The following UMAD1 variants were observed in gnomAD, a reference collection of about 807,000 sequenced individuals.
UMAD1 encodes UBAP1-MVB12-associated (UMA)-domain containing protein 1.
A neutral mutation model predicts 6.1 loss-of-function variants in UMAD1; 8 were observed. The observed-to-expected ratio is 1.30, with a 90% CI of 0.76 to 2.35. The LOEUF (loss-of-function observed/expected upper bound fraction) is 2.35. Among genes scored for constraint, UMAD1 ranks in the 30% most tolerant of loss-of-function variants. The pLI is 0.00. For synonymous variants in UMAD1, 56 were observed against 31.4 expected (o/e 1.78, Z -2.61); for missense variants, 130 against 78.4 (o/e 1.66, Z -2.49).
intron 2 of UMAD1, chr7:7,687,159 ATAATAGTATTTG>A (rs1173161878): frequency 2.0e-5 from 3 of 152,214 alleles, no homozygotes; most frequent in African/African-American, 7.2e-5. Context: ...TGAACTGGAA[ATAATAGTATTTG>A]GATTCTATTT....
intron 2 of UMAD1, among the ~76,000 whole-genome samples, chr7:7,782,454 A>G (rs938719008): frequency 1.3e-5 from 2 of 152,120 alleles, no homozygotes; most frequent in Non-Finnish European, 2.9e-5. Context: ...AGATAAGAAA[A>G]TGTGTCTAAG....
In UMAD1 at chr7:7,734,128, G is replaced by C. The variant is rs62432615; in HGVS notation, c.82+60675G>C. 7.8e-3 allele frequency among the ~76,000 whole-genome samples: 1,179 copies of C among 152,096 alleles called. 21 individuals carry two copies. The highest frequency in any genetic ancestry group is 0.027 in the African/African-American group (1,123 of 41,500). On this transcript the variant is annotated intron_variant, in intron 2 of 3. Transcript: ENST00000682710. The stretch of plus-strand genomic sequence containing the variant: ...TGTCATTATTATCAAAGTTCTTTCA[G>C]AGTTACTGCAGGGCTATAGGCTTAA...
chr7:7,646,298 T>C (rs1435048311), intron 1 of UMAD1, among the ~76,000 whole-genome samples: 1 of 85,900 alleles, frequency 1.2e-5, no homozygotes, highest in African/African-American at 4.0e-5. Context: ...GGTGATACGG[T>C]TTGGCTGTGC....
At chr7:7,800,000 C>T (rs1243513089) in intron 2 of UMAD1, among the ~76,000 whole-genome samples, 4 of 152,244 alleles carry the variant, frequency 2.6e-5, no homozygotes, top group African/African-American at 9.6e-5. Context: ...TCTCCTGCCT[C>T]AGCCTCCTGA....
intron 2 of UMAD1, among the ~76,000 whole-genome samples, chr7:7,693,723 ATAT>A (rs1429034565): frequency 6.6e-6 from 1 of 152,128 alleles, no homozygotes; most frequent in Non-Finnish European, 1.5e-5. Flanking sequence ...TAATTTAGCA[ATAT>A]TATATGAACG....
chr7:7,775,956 CA>C (rs1782197370), intron 2 of UMAD1, among the ~76,000 whole-genome samples: 1 of 152,136 alleles, frequency 6.6e-6, no homozygotes, highest in Non-Finnish European at 1.5e-5. Context: ...GGAAACTTTT[CA>C]GGGGTGATGG....
At chr7:7,858,850 C>T (rs955717003) in intron 3 of UMAD1, among the ~76,000 whole-genome samples, 1 of 152,192 alleles carries the variant, frequency 6.6e-6, no homozygotes, top group Non-Finnish European at 1.5e-5. Flanking sequence ...TTCTTTCATA[C>T]ATGTACATCT....
chr7:7,869,691 A>C (rs1376505111), intron 3 of UMAD1, among the ~76,000 whole-genome samples: 1 of 152,202 alleles, frequency 6.6e-6, no homozygotes, highest in Admixed American at 6.5e-5. Flanking sequence ...ATTTAGTTGG[A>C]TATAGCTAAG....
intron 3 of UMAD1, among the ~76,000 whole-genome samples, chr7:7,834,016 C>CTTTTTTTTTT (rs4034895): frequency 5.5e-4 from 61 of 110,422 alleles, no homozygotes; most frequent in Non-Finnish European, 8.1e-4. Flanking sequence ...TTTTTCTTTT[C>CTTTTTTTTTT]TTTTTTTTTT....
chr7:7,714,649 A>G (rs1333315671), intron 2 of UMAD1, among the ~76,000 whole-genome samples: 1 of 152,238 alleles, frequency 6.6e-6, no homozygotes, highest in East Asian at 1.9e-4. Context: ...ACAATGTATT[A>G]TATGTTGGAC....
intron 3 of UMAD1, among the ~76,000 whole-genome samples, chr7:7,859,265 A>G (rs1183041373): frequency 6.6e-6 from 1 of 152,184 alleles, no homozygotes; most frequent in Non-Finnish European, 1.5e-5. Flanking sequence ...AATAATTATA[A>G]AGATTATTTT....
chr7:7,672,100 A>G (rs1779620271), intron 1 of UMAD1, among the ~76,000 whole-genome samples: 1 of 152,200 alleles, frequency 6.6e-6, no homozygotes, highest in Admixed American at 6.5e-5. Context: ...GCTTTCACTC[A>G]CATTAAATCC....
At position 7,716,460 on chromosome 7, in the gene UMAD1, G is replaced by A. The variant is rs180762779; in HGVS notation, c.82+43007G>A. On this transcript the variant is annotated intron_variant, in intron 2 of 3. Coordinates refer to ENST00000682710, the MANE Select transcript of UMAD1 (RefSeq NM_001302348.2). ...CCTGAAAGATCGAGCTGCAGACATA[G>A]ATAAGCAAGCTGGAAGCTTGCACAG... Among the ~76,000 whole-genome samples, 47 of 152,326 alleles carry A rather than the reference G, an allele frequency of 3.1e-4. No homozygotes were observed. The East Asian group carries it at 8.9e-3, about 29-fold the overall frequency.
chr7:7,649,158 C>CAAAAAAAAAAAAAAAAAAAAAAAAAAAA (rs34943326), intron 1 of UMAD1, among the ~76,000 whole-genome samples: 1 of 128,874 alleles, frequency 7.8e-6, no homozygotes, highest in Non-Finnish European at 1.6e-5. Context: ...GACTCCATCT[C>CAAAAAAAAAAAAAAAAAAAAAAAAAAAA]AAAAAAAAAA....
intron 2 of UMAD1, among the ~76,000 whole-genome samples, chr7:7,768,836 C>G (rs1489076212): frequency 6.6e-6 from 1 of 152,156 alleles, no homozygotes; most frequent in East Asian, 1.9e-4. Flanking sequence ...CTTCCCCAGA[C>G]AGTAAGCGTC....
intron 2 of UMAD1, among the ~76,000 whole-genome samples, chr7:7,795,376 A>C (rs1317484906): frequency 6.6e-6 from 1 of 152,228 alleles, no homozygotes; most frequent in African/African-American, 2.4e-5. Flanking sequence ...ATCAGAGCAG[A>C]CAGCAACATG....
intron 2 of UMAD1, among the ~76,000 whole-genome samples, chr7:7,744,398 TG>T (rs1292897757): frequency 6.6e-6 from 1 of 152,198 alleles, no homozygotes; most frequent in African/African-American, 2.4e-5. Context: ...TACAGGCTTT[TG>T]TGTAGACATG....
chr7:7,682,328 G>T (rs1407253607), intron 2 of UMAD1, among the ~76,000 whole-genome samples: 1 of 151,752 alleles, frequency 6.6e-6, no homozygotes, highest in East Asian at 1.9e-4. Context: ...CAGTCTCAAT[G>T]ATCAGTCAGA....
rs146743054 is a variant in UMAD1, at chr7:7,643,873, C to G, written c.-64+3052C>G. Among the ~76,000 whole-genome samples, 7 of 152,222 alleles carry G rather than the reference C, an allele frequency of 4.6e-5. No homozygotes were observed. The East Asian group carries it at 1.4e-3, about 29-fold the overall frequency. The stretch of plus-strand genomic sequence containing the variant: ...TTTAAAGTAAACTTCCATTCCTGCT[C>G]TGGAACTTGCCTGGGTCTCTGTTTC... On this transcript the variant is annotated intron_variant, in intron 1 of 3. Transcript: ENST00000682710.
Sources: allele counts gnomAD v4.1 joint callset (sites outside exome capture counted in the v4.1 genomes callset), GRCh38; gene constraint gnomAD v4.1.1; transcripts MANE v1.5; gene names NCBI Gene and HGNC (gene_info 2026-07-23, HGNC 2026-07-21).